Variants in SESTD1 observed in about 807,000 individuals in gnomAD.
SESTD1 encodes the protein SEC14 and spectrin domain containing 1.
A neutral mutation model predicts 101.7 loss-of-function variants in SESTD1; 43 were observed. That is an observed-to-expected ratio of 0.42 (90% CI 0.33 to 0.55). The LOEUF is 0.55. Among genes scored for constraint, SESTD1 ranks in the 20% least tolerant of loss-of-function variants. The pLI, the probability that SESTD1 is intolerant of heterozygous loss-of-function variation, is 0.07. For missense variants in SESTD1, 647 were observed against 815.1 expected (o/e 0.79, Z 2.51); for synonymous variants, 283 against 286.8 (o/e 0.99, Z 0.13).
At chr2:179,247,282 G>A (rs1373484187) in intron 1 of SESTD1, among the ~76,000 whole-genome samples, 2 of 150,852 alleles carry the variant, frequency 1.3e-5, no homozygotes, top group Non-Finnish European at 2.9e-5. Flanking sequence ...TCTAATAAAA[G>A]CCTAAGTCTA....
At chr2:179,148,799 G>A (rs1276938316) in intron 7 of SESTD1, among the ~76,000 whole-genome samples, 2 of 152,062 alleles carry the variant, frequency 1.3e-5, no homozygotes, top group Non-Finnish European at 2.9e-5. Context: ...GGTGGCTCAC[G>A]TCTGTAATCC....
chr2:179,157,261 G>A (rs139967592), intron 5 of SESTD1, among the ~76,000 whole-genome samples: 80 of 152,234 alleles, frequency 5.3e-4, no homozygotes, highest in African/African-American at 1.7e-3. Context: ...ACTCATGGAT[G>A]AGTAGAATCA....
At chr2:179,199,111 G>A (rs10207754) in intron 1 of SESTD1, among the ~76,000 whole-genome samples, 1,752 of 152,114 alleles carry the variant, frequency 0.012, 30 homozygotes, top group African/African-American at 0.037. Flanking sequence ...AATAAAAAAT[G>A]ATAAAGGGGA....
chr2:179,172,044 G>T, intron 5 of SESTD1, 76 bp downstream of exon 5: 1 of 964,320 alleles, frequency 1.0e-6, no homozygotes. Flanking sequence ...AACCAATGCT[G>T]AACGGTCAAA....
chr2:179,169,117 T>C (rs79717491), intron 5 of SESTD1, among the ~76,000 whole-genome samples: 8,712 of 152,112 alleles, frequency 0.057, 312 homozygotes, highest in South Asian at 0.11. Context: ...TATCAATAAT[T>C]GCATTAAATA....
chr2:179,140,615 C>T (rs2045257276), intron 9 of SESTD1, among the ~76,000 whole-genome samples: 2 of 152,210 alleles, frequency 1.3e-5, no homozygotes, highest in African/African-American at 2.4e-5. Context: ...TCTTCCACCA[C>T]TTATAGCCAT....
intron 1 of SESTD1, among the ~76,000 whole-genome samples, chr2:179,222,695 A>G (rs1380662789): frequency 6.6e-6 from 1 of 152,194 alleles, no homozygotes; most frequent in Non-Finnish European, 1.5e-5. Context: ...GCTCAAAATA[A>G]TATAGAAATT....
At position 179,108,513 on chromosome 2, in the gene SESTD1, T is replaced by C. The variant is rs1246200889; in HGVS notation, c.*1386A>G. 3 of 151,962 alleles carry C rather than the reference T, an allele frequency of 2.0e-5. No individual in the cohort carries two copies. The highest frequency in any genetic ancestry group is 1.3e-4 in the Admixed American group (2 of 15,258). 9.4% of individuals were successfully genotyped at this position (151,962 alleles called of 1,614,324 possible). A position where few individuals can be genotyped will look rare whatever the true frequency, so the allele number is the denominator to read the frequency against. ...GGTGCTGAGTAGTGAGTGATGAGGA[T>C]GTAGGGGCACTGGATGTGGATTTCT... is the stretch of plus-strand genomic sequence containing the variant. On this transcript the variant is annotated 3_prime_UTR_variant, in exon 18 of 18. Transcript: ENST00000428443.
intron 1 of SESTD1, among the ~76,000 whole-genome samples, chr2:179,223,145 G>A (rs962927332): frequency 6.6e-6 from 1 of 151,998 alleles, no homozygotes; most frequent in Admixed American, 6.6e-5. Context: ...GATATAACGA[G>A]GATAAACTTA....
chr2:179,152,187 A>G (rs1192788296), intron 5 of SESTD1, among the ~76,000 whole-genome samples: 1 of 152,236 alleles, frequency 6.6e-6, no homozygotes, highest in East Asian at 1.9e-4. Context: ...GGCTGGAAAG[A>G]GCATCATTGC....
chr2:179,246,638 T>C (rs992951697), intron 1 of SESTD1, among the ~76,000 whole-genome samples: 1 of 152,118 alleles, frequency 6.6e-6, no homozygotes, highest in African/African-American at 2.4e-5. Flanking sequence ...CAGGAGAATA[T>C]AAATTTCTCC....
rs1030166986 is a variant in SESTD1 at position 179,168,526 on chromosome 2, C to CA, written c.369+3593dup. ...ACGGCATGATTAAAGTGCTGAAAGA[C>CA]AAAAAAAAAAACTTGAAAATAATTT... On this transcript the variant is annotated intron_variant, in intron 5 of 17. Coordinates refer to ENST00000428443, the MANE Select transcript of SESTD1 (RefSeq NM_178123.5). 9.1e-4 allele frequency among the ~76,000 whole-genome samples: 125 copies of CA among 136,898 alleles called. 1 individual carries two copies. The highest frequency in any genetic ancestry group is 2.6e-3 in the South Asian group (11 of 4,312). 89.8% of individuals were successfully genotyped at this position (136,898 alleles called of 152,430 possible). A position where few individuals can be genotyped will look rare whatever the true frequency, so the allele number is the denominator to read the frequency against.
At position 179,107,563 on chromosome 2, in the gene SESTD1, G is replaced by C. The variant is rs981508525; in HGVS notation, c.*2336C>G. On this transcript the variant is annotated 3_prime_UTR_variant, in exon 18 of 18. Coordinates refer to ENST00000428443, the MANE Select transcript of SESTD1 (RefSeq NM_178123.5). The stretch of plus-strand genomic sequence containing the variant: ...TATTGAGTATTGATATTTAGTTATT[G>C]AGTATAACTAAATATCTAAAGTAGT... 5 of 152,044 alleles carry C rather than the reference G, an allele frequency of 3.3e-5. No individual in the cohort carries two copies. The highest frequency in any genetic ancestry group is 2.0e-4 in the Admixed American group (3 of 15,258). 9.4% of individuals were successfully genotyped at this position (152,044 alleles called of 1,614,324 possible). A position where few individuals can be genotyped will look rare whatever the true frequency, so the allele number is the denominator to read the frequency against.
intron 1 of SESTD1, among the ~76,000 whole-genome samples, chr2:179,210,901 G>A (rs994711593): frequency 7.4e-6 from 1 of 134,236 alleles, no homozygotes; most frequent in East Asian, 2.0e-4. Flanking sequence ...GTCACTGTTT[G>A]TTGATGACAT....
chr2:179,241,122 A>G (rs1368746165), intron 1 of SESTD1, among the ~76,000 whole-genome samples: 1 of 152,130 alleles, frequency 6.6e-6, no homozygotes, highest in East Asian at 1.9e-4. Context: ...GGGCACAAAC[A>G]AAGGAAATCA....
intron 10 of SESTD1, among the ~76,000 whole-genome samples, chr2:179,126,942 C>T (rs78495393): frequency 2.0e-5 from 3 of 152,292 alleles, no homozygotes; most frequent in South Asian, 2.1e-4. Context: ...ATCAGCCCCC[C>T]GCCTTCCATT....
In SESTD1 at chr2:179,107,016, A is replaced by G. The variant is rs1172170638; in HGVS notation, c.*2883T>C. On this transcript the variant is annotated 3_prime_UTR_variant, in exon 18 of 18. Transcript: ENST00000428443. ...TGAAACTAACCCTGCCAGCGTTTCA[A>G]TAATTCCCTGAGATGGGCTAAAGGA... 1.3e-5 allele frequency: 2 copies of G among 152,212 alleles called. No individual in the cohort carries two copies. The highest frequency in any genetic ancestry group is 2.9e-5 in the Non-Finnish European group (2 of 68,044). The allele number at this position is 152,212 out of a possible 1,614,324, so 9.4% of individuals were successfully genotyped here.
At chr2:179,198,768 A>G (rs1288551052) in intron 1 of SESTD1, among the ~76,000 whole-genome samples, 1 of 152,168 alleles carries the variant, frequency 6.6e-6, no homozygotes, top group Non-Finnish European at 1.5e-5. Context: ...GAGAACACAG[A>G]CACAACATAC....
At chr2:179,190,207 G>A (rs1172362591) in intron 2 of SESTD1, among the ~76,000 whole-genome samples, 1 of 151,968 alleles carries the variant, frequency 6.6e-6, no homozygotes, top group African/African-American at 2.4e-5. Context: ...ACAGACACAT[G>A]GACCAATGGA....
Sources: gnomAD v4.1 joint callset for allele counts (sites outside exome capture counted in the v4.1 genomes callset) on GRCh38, gnomAD v4.1.1 for gene constraint, MANE v1.5 for transcripts, NCBI Gene and HGNC (gene_info 2026-07-23, HGNC 2026-07-21) for gene names.